The following FAM186B variants were observed in gnomAD, a reference collection of about 807,000 sequenced individuals.
The protein encoded by FAM186B is family with sequence similarity 186 member B, also known as protein FAM186B.
Under a neutral mutation model 83.4 loss-of-function variants are expected in FAM186B, and 68 were observed. The ratio of observed to expected loss-of-function variants is 0.81; its 90% CI spans 0.67 to 1.00. FAM186B has a LOEUF of 1.00. FAM186B is among the 50% of genes least tolerant of loss of function. The probability of loss-of-function intolerance (pLI) is 0.00; values close to 1 mark genes in which losing one functional copy is unlikely to be tolerated. For missense variants in FAM186B, 983 were observed against 1,099.2 expected (o/e 0.89, Z 1.49); for synonymous variants, 389 against 422.0 (o/e 0.92, Z 0.96).
chr12:49,615,084 G>C, the FAM186B span, among the ~76,000 whole-genome samples: 3 of 151,844 alleles, frequency 2.0e-5, no homozygotes, highest in Non-Finnish European at 2.9e-5. Context: ...AGCCAAGTTC[G>C]TGCCACCACA....
downstream of FAM186B, among the ~76,000 whole-genome samples, chr12:49,585,502 C>A (rs192457764): frequency 2.3e-4 from 35 of 152,314 alleles, no homozygotes; most frequent in East Asian, 6.2e-3. Flanking sequence ...TGAAAAAAAT[C>A]TCAGAGAAGG....
chr12:49,603,251 T>G lies in FAM186B; in HGVS notation c.439A>C (p.Arg147=), dbSNP rs996405373. 6.2e-7 allele frequency: 1 copy of G among 1,614,208 alleles called. No individual in the cohort carries two copies. ...AGGGCAGTGAGTGACTCGATGCCTCTTTTGGTGGCAATGAGGGACAGCGGT... is the reference window on the plus strand; with the variant it reads ...AGGGCAGTGAGTGACTCGATGCCTCGTTTGGTGGCAATGAGGGACAGCGGT... The part of the protein sequence containing the change: ...VLPLSLIATK[R]GIESLTALCS... Residue 147 remains arginine, a synonymous_variant, in exon 3 of 7, where the codon AGA becomes CGA. Coordinates refer to ENST00000257894, the MANE Select transcript of FAM186B (RefSeq NM_032130.3).
At position 49,604,862 on chromosome 12, in the gene FAM186B, G is replaced by A. The variant is rs996397447; in HGVS notation, c.97-324C>T. The A allele has an allele frequency of 6.7e-5, 16 of 239,390 alleles. 1 individual carries two copies. Among genetic ancestry groups the A allele is most frequent in the Admixed American group, 3.0e-4 (6 of 19,882 alleles). The allele number at this position is 239,390 out of a possible 1,614,324, so 14.8% of individuals were successfully genotyped here. On this transcript the variant is annotated intron_variant, in intron 1 of 6. Transcript: ENST00000257894. Reference sequence around the variant, plus strand: ...TTTCTTTAGAATTTCAGAGGTTGCTGGGGGTTTCTGGATGTCTTTCCTCAC... The same window carrying A: ...TTTCTTTAGAATTTCAGAGGTTGCTAGGGGTTTCTGGATGTCTTTCCTCAC...
chr12:49,611,056 A>G, the FAM186B span, among the ~76,000 whole-genome samples: 1 of 152,044 alleles, frequency 6.6e-6, no homozygotes, highest in South Asian at 2.1e-4. Flanking sequence ...CCTGACCAAC[A>G]TGGTGAAACG....
At position 49,589,609 on chromosome 12, in the gene FAM186B, T is replaced by C. The variant is rs568046944; in HGVS notation, c.2365-986A>G. ...TTGCTGGGTTCCTGTTTTACATCTG[T>C]TGTAGAGAATCTAGAAACGGGCAAA... On this transcript the variant is annotated intron_variant, in intron 5 of 6. Coordinates refer to ENST00000257894, the MANE Select transcript of FAM186B (RefSeq NM_032130.3). Among the ~76,000 whole-genome samples, 9 of 152,220 alleles carry C rather than the reference T, an allele frequency of 5.9e-5. No homozygotes were observed. The East Asian group carries it at 1.3e-3, about 23-fold the overall frequency.
upstream of FAM186B, among the ~76,000 whole-genome samples, chr12:49,606,325 C>T (rs1364975162): frequency 1.3e-5 from 2 of 151,704 alleles, no homozygotes; most frequent in African/African-American, 4.8e-5. Context: ...GAGAGCCTAG[C>T]TCTACAAAAA....
At chr12:49,620,557 C>T in the FAM186B span, among the ~76,000 whole-genome samples, 3 of 151,794 alleles carry the variant, frequency 2.0e-5, no homozygotes, top group African/African-American at 4.8e-5. Context: ...AAACCTCCCA[C>T]AGCTGAAAGT....
intron 5 of FAM186B, 129 bp from the exon 6 acceptor site, chr12:49,588,752 G>T: frequency 2.4e-6 from 2 of 846,302 alleles, no homozygotes; most frequent in East Asian, 2.8e-5. Flanking sequence ...AAGGCCCAGG[G>T]AATCCCTTCA....
At chr12:49,595,391 T>TTA in intron 5 of FAM186B, 3 of 540,362 alleles carry the variant, frequency 5.6e-6, no homozygotes, top group Non-Finnish European at 1.1e-5. Flanking sequence ...GTGAAGGAGA[T>TTA]ACTAAAGGAG....
Position 49,604,404 on chromosome 12 carries a change from G to A in FAM186B, c.231C>T (p.Phe77=). 1 of 1,614,246 alleles carries A rather than the reference G, an allele frequency of 6.2e-7. No homozygotes were observed. The highest frequency in any genetic ancestry group is 8.5e-7 in the Non-Finnish European group (1 of 1,180,048). The stretch of plus-strand genomic sequence containing the variant: ...AGGAGGCAATTTTTTCCAGCAAGAT[G>A]AATCTCTTCTTGCCCTTTGGATCTC... The part of the protein sequence containing the change: ...QQRDPKGKKR[F]ILLEKIASFS... The change falls in exon 2 of 7, where the codon TTC becomes TTT. Residue 77 remains phenylalanine, a synonymous_variant. Coordinates refer to ENST00000257894, the MANE Select transcript of FAM186B (RefSeq NM_032130.3).
chr12:49,610,491 T>G (rs927671264), upstream of FAM186B, among the ~76,000 whole-genome samples: 6 of 152,212 alleles, frequency 3.9e-5, no homozygotes, highest in African/African-American at 1.4e-4. Flanking sequence ...CAGTCAGAGC[T>G]TCTGGAATTG....
rs1204056447 is a variant in FAM186B, at chr12:49,599,620, G to A, written c.2020C>T (p.Gln674Ter). 6.2e-7 allele frequency: 1 copy of A among 1,610,582 alleles called. No individual in the cohort carries two copies. The highest frequency in any genetic ancestry group is 8.5e-7 in the Non-Finnish European group (1 of 1,178,208). The change falls in exon 4 of 7, where the codon CAG becomes TAG. Residue 674 changes from glutamine to a stop codon, truncating the protein, a stop_gained. Coordinates refer to ENST00000257894, the MANE Select transcript of FAM186B (RefSeq NM_032130.3). LOFTEE classifies it high-confidence loss of function. ...MDMEAQRKNL[Q>*]LLSEESELRL... The stretch of plus-strand genomic sequence containing the variant: ...AACTCAGACTCCTCACTCAGGAGCT[G>A]CAGGTTCTTCCTCTGGGCCTCCATG...
intron 2 of FAM186B, 98 bp downstream of exon 2, chr12:49,604,215 T>C: frequency 2.2e-6 from 2 of 900,256 alleles, no homozygotes; most frequent in East Asian, 2.4e-5. Context: ...AGTGGTGGAA[T>C]GCTTCACTGG....
chr12:49,587,820 G>A, intron 6 of FAM186B, 68 bp from the exon 7 acceptor site: 2 of 1,529,046 alleles, frequency 1.3e-6, no homozygotes, highest in Non-Finnish European at 1.8e-6. Context: ...AGACTCTCCA[G>A]AGCCATCAGG....
At chr12:49,594,647 G>A (rs1248302367) in intron 5 of FAM186B, among the ~76,000 whole-genome samples, 5 of 152,200 alleles carry the variant, frequency 3.3e-5, no homozygotes, top group Admixed American at 6.5e-5. Flanking sequence ...GGCCAAGGTG[G>A]GTGGATCACC....
chr12:49,591,176 C>A (rs77369017), intron 5 of FAM186B, among the ~76,000 whole-genome samples: 68 of 152,268 alleles, frequency 4.5e-4, no homozygotes, highest in African/African-American at 1.6e-3. Context: ...GATGAGGAGA[C>A]AGCATCTGGG....
chr12:49,622,336 G>A, the FAM186B span, among the ~76,000 whole-genome samples: 1 of 152,128 alleles, frequency 6.6e-6, no homozygotes, highest in African/African-American at 2.4e-5. Context: ...ACAGGGAGAC[G>A]TCGTCTCCAA....
downstream of FAM186B, among the ~76,000 whole-genome samples, chr12:49,587,019 T>A (rs905034119): frequency 6.6e-6 from 1 of 152,128 alleles, no homozygotes; most frequent in Non-Finnish European, 1.5e-5. Flanking sequence ...GGATTGCTCA[T>A]GTAGAGAGGG....
At chr12:49,583,544 C>T (rs188067383), downstream of FAM186B, 171 of 155,014 alleles carry the variant, frequency 1.1e-3, 4 homozygotes, top group South Asian at 9.8e-4. Flanking sequence ...ATGCCAACTC[C>T]CCTTCCTCCC....
Sources: allele counts gnomAD v4.1 joint callset (sites outside exome capture counted in the v4.1 genomes callset), GRCh38; gene constraint gnomAD v4.1.1; transcripts MANE v1.5; gene names NCBI Gene and HGNC (gene_info 2026-07-23, HGNC 2026-07-21).